The following PCCA variants were observed in gnomAD, a reference collection of about 807,000 sequenced individuals.
PCCA encodes propionyl-CoA carboxylase subunit alpha, also known as propionyl-CoA carboxylase alpha chain, mitochondrial.
PCCA carries 74 observed loss-of-function variants against 101.3 expected under a neutral mutation model. The ratio of observed to expected loss-of-function variants is 0.73; its 90% CI spans 0.61 to 0.89. PCCA has a LOEUF of 0.89. Among genes scored for constraint, PCCA ranks in the 40% least tolerant of loss-of-function variants. The probability of loss-of-function intolerance (pLI) is 0.00; values close to 1 mark genes in which losing one functional copy is unlikely to be tolerated. For missense variants in PCCA, 891 were observed against 907.0 expected, an observed-to-expected ratio of 0.98 and a Z score of 0.23; for synonymous variants, 294 against 313.6, an observed-to-expected ratio of 0.94 and a Z score of 0.66.
intron 6 of PCCA, among the ~76,000 whole-genome samples, chr13:100,187,342 G>A (rs1429329592): frequency 1.3e-5 from 2 of 152,170 alleles, no homozygotes; most frequent in Admixed American, 1.3e-4. Context: ...ATGGGAAGAA[G>A]AAATTCTTGG....
chr13:100,357,579 G>A (rs888130157), intron 18 of PCCA, among the ~76,000 whole-genome samples: 1 of 152,158 alleles, frequency 6.6e-6, no homozygotes, highest in Admixed American at 6.5e-5. Context: ...GCAGTGTAGT[G>A]TATTTTCAAT....
rs1003099107 is a variant in PCCA at position 100,428,210 on chromosome 13, G to A, written c.1845+2479G>A. Among the ~76,000 whole-genome samples, 12 of 152,066 alleles carry A rather than the reference G, an allele frequency of 7.9e-5. No individual in the cohort carries two copies. The South Asian group carries it at 1.3e-3, about 16-fold the overall frequency. On this transcript the variant is annotated intron_variant, in intron 20 of 23. Transcript: ENST00000376285. ...GCCCCCCAGGTAGCTGGGACTACAGGTGTGCCTGCCACCACACCCAGCTAA... is the reference window on the plus strand; with the variant it reads ...GCCCCCCAGGTAGCTGGGACTACAGATGTGCCTGCCACCACACCCAGCTAA...
chr13:100,202,693 A>G (rs2058603512), intron 6 of PCCA, among the ~76,000 whole-genome samples: 1 of 149,158 alleles, frequency 6.7e-6, no homozygotes, highest in African/African-American at 2.5e-5. Flanking sequence ...CATATGTTGG[A>G]TGTTCTTTTT....
intron 14 of PCCA, among the ~76,000 whole-genome samples, chr13:100,305,303 A>G (rs2066362830): frequency 6.6e-6 from 1 of 152,230 alleles, no homozygotes; most frequent in African/African-American, 2.4e-5. Context: ...AGACAGTTAT[A>G]TTTAATTAAG....
At chr13:100,441,683 G>T (rs147911390) in intron 20 of PCCA, among the ~76,000 whole-genome samples, 244 of 152,252 alleles carry the variant, frequency 1.6e-3, no homozygotes, top group Non-Finnish European at 3.1e-3. Flanking sequence ...TAGGAAAAGG[G>T]ATGAAATATT....
At position 100,163,123 on chromosome 13, in the gene PCCA, T is replaced by C. The variant is rs530390434; in HGVS notation, c.468+5783T>C. Among the ~76,000 whole-genome samples, 5 of 152,270 alleles carry C rather than the reference T, an allele frequency of 3.3e-5. No individual in the cohort carries two copies. In the South Asian group the frequency reaches 1.0e-3, roughly 32 times the overall value. On this transcript the variant is annotated intron_variant, in intron 6 of 23. Transcript: ENST00000376285. ...TTACAGTTAGGGAGTCTTTTAAGGA[T>C]GTAGATAGGTCAGATACTTTTAGGG... is the stretch of plus-strand genomic sequence containing the variant.
chr13:100,116,286 T>G (rs1015889826), intron 4 of PCCA, among the ~76,000 whole-genome samples: 3 of 152,206 alleles, frequency 2.0e-5, no homozygotes, highest in African/African-American at 7.2e-5. Context: ...TGTGGAAATG[T>G]AAATACTATT....
At chr13:100,208,761 T>G (rs1026030041) in intron 6 of PCCA, among the ~76,000 whole-genome samples, 2 of 152,196 alleles carry the variant, frequency 1.3e-5, no homozygotes, top group African/African-American at 4.8e-5. Context: ...TCCCACTGGA[T>G]TTTTGACTCA....
rs141978089 is a variant in PCCA at position 100,264,428 on chromosome 13, A to G, written c.819+1597A>G. Among the ~76,000 whole-genome samples the G allele has an allele frequency of 2.1e-3, 322 of 152,314 alleles. 2 individuals are homozygous for G. Among genetic ancestry groups the G allele is most frequent in the African/African-American group, 7.1e-3 (297 of 41,586 alleles). On this transcript the variant is annotated intron_variant, in intron 10 of 23. Transcript: ENST00000376285. ...AGTCAGTCCCTACCTGTGGCCGCCA[A>G]AAGTAACTGCTGTTCCTATCTGATG...
intron 8 of PCCA, among the ~76,000 whole-genome samples, chr13:100,238,370 A>AT (rs1277271378): frequency 2.0e-5 from 3 of 151,472 alleles, no homozygotes; most frequent in Non-Finnish European, 2.9e-5. Flanking sequence ...CCTCCTTTTC[A>AT]TTTTTTATTT....
intron 19 of PCCA, among the ~76,000 whole-genome samples, chr13:100,417,325 G>A (rs2078441206): frequency 1.3e-5 from 2 of 152,184 alleles, no homozygotes; most frequent in Non-Finnish European, 1.5e-5. Context: ...TAGCCTTTAA[G>A]TGACGGTGGA....
intron 12 of PCCA, among the ~76,000 whole-genome samples, chr13:100,280,359 G>A (rs766056419): frequency 8.0e-5 from 12 of 150,740 alleles, no homozygotes; most frequent in Admixed American, 1.3e-4. Flanking sequence ...TGCCAGTGCC[G>A]ATCTCTGTGT....
chr13:100,500,706 T>A (rs763609144), intron 21 of PCCA, among the ~76,000 whole-genome samples: 19 of 152,190 alleles, frequency 1.2e-4, no homozygotes, highest in Admixed American at 7.9e-4. Context: ...CTCACCCTTC[T>A]AAGAATATAT....
intron 6 of PCCA, among the ~76,000 whole-genome samples, chr13:100,168,956 T>C (rs987090731): frequency 1.3e-4 from 20 of 152,226 alleles, no homozygotes; most frequent in African/African-American, 4.8e-4. Context: ...TGTTTTGTTA[T>C]TTTAATTTTG....
intron 21 of PCCA, among the ~76,000 whole-genome samples, chr13:100,505,157 T>C (rs1486635580): frequency 6.6e-6 from 1 of 152,222 alleles, no homozygotes; most frequent in African/African-American, 2.4e-5. Flanking sequence ...CCACCTCATA[T>C]TGATCACATT....
At chr13:100,179,103 T>A (rs1480116787) in intron 6 of PCCA, among the ~76,000 whole-genome samples, 3 of 149,570 alleles carry the variant, frequency 2.0e-5, no homozygotes, top group Non-Finnish European at 4.4e-5. Context: ...TATATATATA[T>A]ATATATTTGT....
chr13:100,343,551 A>G (rs113755026), intron 18 of PCCA, among the ~76,000 whole-genome samples: 236 of 152,356 alleles, frequency 1.5e-3, no homozygotes, highest in African/African-American at 5.5e-3. Context: ...CATTTATTTG[A>G]AATTTCTAGG....
intron 19 of PCCA, among the ~76,000 whole-genome samples, chr13:100,371,675 G>C (rs916923487): frequency 1.3e-5 from 2 of 152,180 alleles, no homozygotes; most frequent in African/African-American, 2.4e-5. Context: ...TTTTGTTGCA[G>C]ATATAGACAA....
chr13:100,498,538 A>G (rs2085440748), intron 21 of PCCA, among the ~76,000 whole-genome samples: 1 of 152,314 alleles, frequency 6.6e-6, no homozygotes, highest in Non-Finnish European at 1.5e-5. Context: ...AAGTTAAAAC[A>G]TACAATTCAG....
Sources: gnomAD v4.1 joint callset for allele counts (sites outside exome capture counted in the v4.1 genomes callset) on GRCh38, gnomAD v4.1.1 for gene constraint, MANE v1.5 for transcripts, NCBI Gene and HGNC (gene_info 2026-07-23, HGNC 2026-07-21) for gene names.